SYNPO2: variants seen among roughly 807,000 people sequenced by gnomAD.
The protein encoded by SYNPO2 is synaptopodin-2.
A neutral mutation model predicts 85.0 loss-of-function variants in SYNPO2; 56 were observed. That is an observed-to-expected ratio of 0.66 (90% confidence interval 0.53 to 0.82). The LOEUF is 0.82. Among genes scored for constraint, SYNPO2 ranks in the 40% least tolerant of loss-of-function variants. The pLI is 0.00. For synonymous variants in SYNPO2, 602 were observed against 591.1 expected (o/e 1.02, Z -0.27); for missense variants, 1,575 against 1,534.2 (o/e 1.03, Z -0.44).
intron 1 of SYNPO2, among the ~76,000 whole-genome samples, chr4:118,962,138 C>A (rs1198108393): frequency 6.6e-6 from 1 of 152,122 alleles, no homozygotes; most frequent in Non-Finnish European, 1.5e-5. Context: ...CGCACAGCAG[C>A]AATGGATGAA....
rs1738148512 is a variant in SYNPO2, at chr4:119,030,015, A to G, written c.1240A>G (p.Thr414Ala). 6 of 1,614,158 alleles carry G rather than the reference A, an allele frequency of 3.7e-6. No homozygotes were observed. The highest frequency in any genetic ancestry group is 5.1e-6 in the Non-Finnish European group (6 of 1,180,010). ...ARKYTLVSYG[T>A]GELEREADEE... ...GAAATACACCCTAGTTAGCTACGGT[A>G]CTGGCGAGCTTGAGCGAGAGGCGGA... Residue 414 changes from threonine (T) to alanine (A), a missense_variant, in exon 4 of 5, where the codon ACT becomes GCT. Transcript: ENST00000307142.
At chr4:118,862,391 C>A (rs2110566325) in intron 1 of SYNPO2, among the ~76,000 whole-genome samples, 1 of 152,262 alleles carries the variant, frequency 6.6e-6, no homozygotes, top group South Asian at 2.1e-4. Flanking sequence ...AGTGGGCATC[C>A]TTGTGGTGTT....
chr4:118,995,311 A>G (rs909468587), intron 1 of SYNPO2, among the ~76,000 whole-genome samples: 1 of 152,198 alleles, frequency 6.6e-6, no homozygotes, highest in Non-Finnish European at 1.5e-5. Flanking sequence ...GATGGGAAAT[A>G]TATATTCCAA....
chr4:118,979,263 C>G (rs1159548694), intron 1 of SYNPO2, among the ~76,000 whole-genome samples: 1 of 152,180 alleles, frequency 6.6e-6, no homozygotes, highest in Non-Finnish European at 1.5e-5. Flanking sequence ...GCTATGCTTT[C>G]CTACTGCCGT....
intron 4 of SYNPO2, chr4:119,037,305 T>A (rs1009224077): frequency 1.5e-4 from 192 of 1,286,920 alleles, no homozygotes; most frequent in Middle Eastern, 1.3e-3. Context: ...TGAAAAAAAA[T>A]TTTTAAATCA....
At chr4:118,996,198 C>T (rs1483344671) in intron 1 of SYNPO2, among the ~76,000 whole-genome samples, 1 of 152,120 alleles carries the variant, frequency 6.6e-6, no homozygotes, top group African/African-American at 2.4e-5. Flanking sequence ...CACGCTTTTG[C>T]CTTTGCACTT....
chr4:118,865,031 C>T (rs756782226), intron 1 of SYNPO2, among the ~76,000 whole-genome samples: 2 of 152,174 alleles, frequency 1.3e-5, no homozygotes, highest in African/African-American at 4.8e-5. Flanking sequence ...ACCTTGCCCC[C>T]AGAGGTCTGA....
chr4:118,933,800 G>GATTA (rs1560881552), intron 1 of SYNPO2, among the ~76,000 whole-genome samples: 1 of 146,746 alleles, frequency 6.8e-6, no homozygotes, highest in African/African-American at 2.5e-5. Flanking sequence ...TTTCTAGATT[G>GATTA]GTCATAGCTG....
chr4:119,033,085 T>C, intron 4 of SYNPO2: 1 of 985,318 alleles, frequency 1.0e-6, no homozygotes. Flanking sequence ...AAGGTGTACA[T>C]GGCTATTGTT....
intron 1 of SYNPO2, among the ~76,000 whole-genome samples, chr4:118,869,953 AAATAACCACAAC>A (rs565957240): frequency 2.7e-4 from 41 of 152,360 alleles, no homozygotes; most frequent in African/African-American, 9.1e-4. Context: ...ACATCACTAC[AAATAACCACAAC>A]AATAACAACA....
At chr4:119,004,154 G>A (rs1297099936) in intron 1 of SYNPO2, among the ~76,000 whole-genome samples, 1 of 152,040 alleles carries the variant, frequency 6.6e-6, no homozygotes, top group African/African-American at 2.4e-5. Context: ...TGTATTGTTT[G>A]TTTGGCTTTC....
chr4:119,040,407 TTA>T (rs1477251947), intron 4 of SYNPO2, among the ~76,000 whole-genome samples: 13 of 152,230 alleles, frequency 8.5e-5, no homozygotes, highest in Admixed American at 3.3e-4. Context: ...TTACTGAAGT[TTA>T]TATGTTTACA....
At chr4:119,040,759 G>A (rs2149196678) in intron 4 of SYNPO2, among the ~76,000 whole-genome samples, 1 of 152,320 alleles carries the variant, frequency 6.6e-6, no homozygotes, top group Non-Finnish European at 1.5e-5. Context: ...CACTGAAAGT[G>A]GAGCAGTTGG....
chr4:118,929,452 T>A (rs78040963), intron 1 of SYNPO2, among the ~76,000 whole-genome samples: 1 of 152,260 alleles, frequency 6.6e-6, no homozygotes, highest in Non-Finnish European at 1.5e-5. Flanking sequence ...ATAAGGCTTC[T>A]AATCTCATTT....
At chr4:118,908,642 C>A (rs376325723) in intron 1 of SYNPO2, among the ~76,000 whole-genome samples, 4 of 152,060 alleles carry the variant, frequency 2.6e-5, no homozygotes, top group East Asian at 3.9e-4. Flanking sequence ...ATAAAAAAAT[C>A]TATCCTAAAA....
upstream of SYNPO2, among the ~76,000 whole-genome samples, chr4:118,887,762 C>T (rs1269249029): frequency 6.6e-6 from 1 of 152,120 alleles, no homozygotes; most frequent in Non-Finnish European, 1.5e-5. Context: ...GTCACAGTTT[C>T]CATGAACCTA....
intron 1 of SYNPO2, among the ~76,000 whole-genome samples, chr4:118,875,479 T>C (rs776547608): frequency 9.1e-4 from 138 of 152,208 alleles, no homozygotes; most frequent in Non-Finnish European, 2.1e-4. Flanking sequence ...ATGTCATCAC[T>C]GTAACATGGC....
chr4:118,881,482 C>T (rs1429455921), intron 1 of SYNPO2, among the ~76,000 whole-genome samples: 1 of 152,302 alleles, frequency 6.6e-6, no homozygotes, highest in East Asian at 1.9e-4. Context: ...GAATAAACTT[C>T]TGTTGCTTAG....
chr4:118,957,972 C>A (rs1435570518), intron 1 of SYNPO2, among the ~76,000 whole-genome samples: 1 of 152,180 alleles, frequency 6.6e-6, no homozygotes, highest in Non-Finnish European at 1.5e-5. Flanking sequence ...CAAAATCCCC[C>A]TCCACTTATG....
Sources: gnomAD v4.1 joint callset for allele counts (sites outside exome capture counted in the v4.1 genomes callset) on GRCh38, gnomAD v4.1.1 for gene constraint, MANE v1.5 for transcripts, NCBI Gene and HGNC (gene_info 2026-07-23, HGNC 2026-07-21) for gene names.